The following ADAMTS18 variants were observed in gnomAD, a reference collection of about 807,000 sequenced individuals.
The protein encoded by ADAMTS18 is ADAM metallopeptidase with thrombospondin type 1 motif 18.
A neutral mutation model predicts 165.9 loss-of-function variants in ADAMTS18; 157 were observed. That is an observed-to-expected ratio of 0.95 (90% CI 0.83 to 1.08). The LOEUF (loss-of-function observed/expected upper bound fraction) is 1.08, where lower values mean the gene tolerates loss of function less well. Among genes scored for constraint, ADAMTS18 ranks in the 50% least tolerant of loss-of-function variants. ADAMTS18 has a pLI of 0.00. For synonymous variants in ADAMTS18, 782 were observed against 578.2 expected, an observed-to-expected ratio of 1.35 and a Z score of -5.06; for missense variants, 2,040 against 1,534.0, an observed-to-expected ratio of 1.33 and a Z score of -5.51.
chr16:77,299,794 C>T (rs2055545758), intron 17 of ADAMTS18, among the ~76,000 whole-genome samples: 1 of 152,158 alleles, frequency 6.6e-6, no homozygotes, highest in African/African-American at 2.4e-5. Context: ...CTTTGCTGAC[C>T]TTACCCCTGA....
At chr16:77,417,461 T>G (rs1338859072) in intron 3 of ADAMTS18, among the ~76,000 whole-genome samples, 1 of 152,182 alleles carries the variant, frequency 6.6e-6, no homozygotes, top group Non-Finnish European at 1.5e-5. Flanking sequence ...ATGCTGCTAA[T>G]TATATAAATG....
rs1468477764 is a variant in ADAMTS18, at chr16:77,282,248, A to C, written c.*1708T>G. ...ATTCAACATTTTATCTCAAAATATT[A>C]CTTAGAGAAGCAAGTGAGAACACAT... On this transcript the variant is annotated 3_prime_UTR_variant, in exon 23 of 23. Coordinates refer to ENST00000282849, the MANE Select transcript of ADAMTS18 (RefSeq NM_199355.4). 6.6e-6 allele frequency: 1 copy of C among 152,150 alleles called. No homozygotes were observed. Among genetic ancestry groups the C allele is most frequent in the Non-Finnish European group, 1.5e-5 (1 of 68,034 alleles). The allele number at this position is 152,150 out of a possible 1,614,324, so 9.4% of individuals were successfully genotyped here.
intron 10 of ADAMTS18, among the ~76,000 whole-genome samples, chr16:77,344,142 T>C (rs559953655): frequency 5.9e-5 from 8 of 135,186 alleles, no homozygotes; most frequent in African/African-American, 1.9e-4. Flanking sequence ...TACATATATA[T>C]GTATGTGTGT....
chr16:77,427,868 G>C (rs2057692923), intron 3 of ADAMTS18, among the ~76,000 whole-genome samples: 1 of 152,188 alleles, frequency 6.6e-6, no homozygotes, highest in Admixed American at 6.5e-5. Flanking sequence ...CTAACAGTCT[G>C]CTAGCAAAAT....
At chr16:77,315,867 C>T (rs2055877491) in intron 16 of ADAMTS18, among the ~76,000 whole-genome samples, 1 of 152,192 alleles carries the variant, frequency 6.6e-6, no homozygotes, top group Non-Finnish European at 1.5e-5. Flanking sequence ...ACACACTCAA[C>T]CGCCTACTTG....
intron 3 of ADAMTS18, among the ~76,000 whole-genome samples, chr16:77,416,484 G>A (rs1420274331): frequency 6.6e-6 from 1 of 152,180 alleles, no homozygotes; most frequent in East Asian, 1.9e-4. Context: ...CTGTTCTCAT[G>A]GTAGTGAGTA....
At chr16:77,420,772 A>C (rs1034861787) in intron 3 of ADAMTS18, among the ~76,000 whole-genome samples, 17 of 152,212 alleles carry the variant, frequency 1.1e-4, no homozygotes, top group African/African-American at 4.1e-4. Flanking sequence ...AGCATAAAAC[A>C]CGTAGACTCA....
intron 12 of ADAMTS18, among the ~76,000 whole-genome samples, chr16:77,331,638 G>A (rs1342278751): frequency 6.6e-6 from 1 of 152,138 alleles, no homozygotes; most frequent in Non-Finnish European, 1.5e-5. Flanking sequence ...GCAATGTCTG[G>A]AGACATTTTT....
At chr16:77,393,699 T>G (rs1469579458) in intron 3 of ADAMTS18, among the ~76,000 whole-genome samples, 3 of 152,166 alleles carry the variant, frequency 2.0e-5, no homozygotes, top group African/African-American at 7.2e-5. Flanking sequence ...CCCTCAGACG[T>G]CCAGTTTCCA....
At chr16:77,421,042 T>C (rs1356895228) in intron 3 of ADAMTS18, among the ~76,000 whole-genome samples, 1 of 152,200 alleles carries the variant, frequency 6.6e-6, no homozygotes, top group Non-Finnish European at 1.5e-5. Flanking sequence ...AATAAGGGTG[T>C]GCACATAGCT....
chr16:77,285,581 C>T (rs1263795527), intron 22 of ADAMTS18, among the ~76,000 whole-genome samples: 3 of 151,456 alleles, frequency 2.0e-5, no homozygotes, highest in East Asian at 1.9e-4. Context: ...GATTTTTCTG[C>T]CTAAAATTCC....
chr16:77,386,245 G>A (rs2057105881), intron 3 of ADAMTS18, among the ~76,000 whole-genome samples: 1 of 152,164 alleles, frequency 6.6e-6, no homozygotes, highest in Non-Finnish European at 1.5e-5. Flanking sequence ...GGGGCTCAGA[G>A]CTCATCATCA....
chr16:77,409,784 T>C (rs1442745835), intron 3 of ADAMTS18, among the ~76,000 whole-genome samples: 2 of 152,056 alleles, frequency 1.3e-5, no homozygotes, highest in Non-Finnish European at 2.9e-5. Context: ...TTGGTTCAAA[T>C]GCTTAATAGA....
At chr16:77,383,971 A>G (rs1465920112) in intron 3 of ADAMTS18, among the ~76,000 whole-genome samples, 2 of 152,054 alleles carry the variant, frequency 1.3e-5, no homozygotes, top group Non-Finnish European at 2.9e-5. Context: ...TTTTTCCCCC[A>G]TAACAGCCTT....
At chr16:77,346,660 G>T (rs2056481815) in intron 10 of ADAMTS18, among the ~76,000 whole-genome samples, 1 of 152,080 alleles carries the variant, frequency 6.6e-6, no homozygotes, top group Non-Finnish European at 1.5e-5. Context: ...ACTTCTTTTA[G>T]CAGTTAAGTC....
At position 77,291,263 on chromosome 16, in the gene ADAMTS18, C is replaced by T; in HGVS notation, c.3402+3G>A. ...GACACCTCCTCAATCGGCCTGTACC[C>T]ACCTGCTGCCACGGCAATGAATACC... On this transcript the variant is annotated splice_donor_region_variant and intron_variant, in intron 21 of 22. Transcript: ENST00000282849. 1 of 1,613,894 alleles carries T rather than the reference C, an allele frequency of 6.2e-7. No individual in the cohort carries two copies. The highest frequency in any genetic ancestry group is 2.2e-5 in the East Asian group (1 of 44,872).
At chr16:77,372,901 T>G (rs2056896543) in intron 3 of ADAMTS18, among the ~76,000 whole-genome samples, 1 of 152,278 alleles carries the variant, frequency 6.6e-6, no homozygotes, top group South Asian at 2.1e-4. Context: ...CTTCTTCCAT[T>G]CACTCTGGTA....
intron 4 of ADAMTS18, among the ~76,000 whole-genome samples, chr16:77,367,027 C>T (rs2056805117): frequency 6.6e-6 from 1 of 152,128 alleles, no homozygotes; most frequent in Admixed American, 6.6e-5. Flanking sequence ...TCAAGGATAC[C>T]TGTGTTTCAC....
At chr16:77,298,602 G>A (rs577545125) in intron 17 of ADAMTS18, among the ~76,000 whole-genome samples, 138 of 152,074 alleles carry the variant, frequency 9.1e-4, no homozygotes, top group African/African-American at 3.2e-3. Context: ...CACCAGCCTG[G>A]GCAACATGGC....
Sources: allele counts gnomAD v4.1 joint callset (sites outside exome capture counted in the v4.1 genomes callset), GRCh38; gene constraint gnomAD v4.1.1; transcripts MANE v1.5; gene names NCBI Gene and HGNC (gene_info 2026-07-23, HGNC 2026-07-21).